The following STOX1 variants were observed in gnomAD, a reference collection of about 807,000 sequenced individuals.
STOX1 encodes storkhead box 1.
In STOX1, 57 loss-of-function variants were observed where a neutral mutation model predicts 74.8. That is an observed-to-expected ratio of 0.76 (90% CI 0.62 to 0.95). The LOEUF is 0.95. Ranked by LOEUF, STOX1 falls within the 40% of genes least tolerant of loss-of-function variation. STOX1 has a pLI of 0.00. For missense variants in STOX1, 1,010 were observed against 1,117.0 expected (o/e 0.90, Z 1.37); for synonymous variants, 375 against 401.3 (o/e 0.93, Z 0.78).
intron 1 of STOX1, among the ~76,000 whole-genome samples, chr10:68,832,279 G>A (rs1304848117): frequency 6.6e-6 from 1 of 152,176 alleles, no homozygotes; most frequent in Non-Finnish European, 1.5e-5. Flanking sequence ...GGGGGTGGGC[G>A]GCCACTTGGC....
chr10:68,886,110 CAA>C lies in STOX1; in HGVS notation c.2318_2319del (p.Lys773SerfsTer3). ...GGSQGNHLGK[Q>X]KVIERSLTEY... ...AAGCCAGGGAAATCATTTAGGAAAA[CAA>C]AAAGTGATTGAGAGATCTCTGACCG... On this transcript the variant is annotated frameshift_variant, in exon 3 of 4. Coordinates refer to ENST00000298596, the MANE Select transcript of STOX1 (RefSeq NM_152709.5). LOFTEE classifies it high-confidence loss of function. The C allele has an allele frequency of 1.2e-6, 2 of 1,614,092 alleles. No homozygotes were observed. Among genetic ancestry groups the C allele is most frequent in the Non-Finnish European group, 1.7e-6 (2 of 1,179,998 alleles).
rs201726154 is a variant in STOX1 at position 68,846,119 on chromosome 10, TTTATTATTATTA to T, written c.310+18219_310+18230del. Among the ~76,000 whole-genome samples the T allele has an allele frequency of 9.6e-4, 130 of 135,830 alleles. 1 individual carries two copies. Among genetic ancestry groups the T allele is most frequent in the East Asian group, 4.5e-3 (19 of 4,196 alleles). 89.1% of individuals were successfully genotyped at this position (135,830 alleles called of 152,430 possible). A position where few individuals can be genotyped will look rare whatever the true frequency, so the allele number is the denominator to read the frequency against. ...GTGGTACAAGTTATGGCTTGAGGTT[TTTATTATTATTA>T]TTATTATTATTATTATTATTATTAT... On this transcript the variant is annotated intron_variant, in intron 1 of 3. Coordinates refer to ENST00000298596, the MANE Select transcript of STOX1 (RefSeq NM_152709.5).
intron 1 of STOX1, among the ~76,000 whole-genome samples, chr10:68,838,829 G>A (rs1408731567): frequency 6.6e-6 from 1 of 151,342 alleles, no homozygotes; most frequent in Non-Finnish European, 1.5e-5. Context: ...AGAATGGTGT[G>A]AACCCAGGAG....
At chr10:68,855,412 T>G (rs1388643472) in intron 1 of STOX1, among the ~76,000 whole-genome samples, 1 of 150,918 alleles carries the variant, frequency 6.6e-6, no homozygotes, top group Non-Finnish European at 1.5e-5. Context: ...TGAGCCACGG[T>G]GCCTGGCCAA....
At position 68,873,257 on chromosome 10, in the gene STOX1, A is replaced by ATTTTTTTTTT. The variant is rs5785875; in HGVS notation, c.311-8689_311-8680dup. Among the ~76,000 whole-genome samples the ATTTTTTTTTT allele has an allele frequency of 3.8e-5, 4 of 105,296 alleles. 1 individual carries two copies. The highest frequency in any genetic ancestry group is 5.6e-5 in the Non-Finnish European group (3 of 53,696). The allele number at this position is 105,296 out of a possible 152,430, so 69.1% of individuals were successfully genotyped here. On this transcript the variant is annotated intron_variant, in intron 1 of 3. Transcript: ENST00000298596. The stretch of plus-strand genomic sequence containing the variant: ...TAGGGGCCTGTGCCCAAACAAGAGC[A>ATTTTTTTTTT]TTTTTTTTTTTTTTTTTTTTTGAGA...
chr10:68,837,398 G>A (rs111959611), intron 1 of STOX1, among the ~76,000 whole-genome samples: 24 of 152,328 alleles, frequency 1.6e-4, no homozygotes, highest in African/African-American at 4.1e-4. Context: ...GGAGGTGGGC[G>A]TTGGCACAAA....
intron 3 of STOX1, among the ~76,000 whole-genome samples, chr10:68,890,957 G>A (rs1045279002): frequency 6.6e-6 from 1 of 151,982 alleles, no homozygotes; most frequent in Admixed American, 6.6e-5. Flanking sequence ...CAGCTATTAA[G>A]TATTTAAGAT....
chr10:68,835,090 G>A (rs1485342484), intron 1 of STOX1, among the ~76,000 whole-genome samples: 2 of 152,108 alleles, frequency 1.3e-5, no homozygotes, highest in East Asian at 3.8e-4. Flanking sequence ...TGCTCAGGCT[G>A]TAGTGCAGTG....
intron 1 of STOX1, among the ~76,000 whole-genome samples, chr10:68,831,990 GC>G (rs1236772271): frequency 1.3e-5 from 2 of 148,856 alleles, no homozygotes; most frequent in African/African-American, 5.0e-5. Context: ...GTCTCTAACT[GC>G]TGGGTCCAAG....
intron 1 of STOX1, among the ~76,000 whole-genome samples, chr10:68,867,394 C>T (rs2133573140): frequency 6.6e-6 from 1 of 152,290 alleles, no homozygotes; most frequent in Non-Finnish European, 1.5e-5. Context: ...TAACAGGGAA[C>T]TGCCAAGCCT....
chr10:68,886,353 A>C lies in STOX1; in HGVS notation c.2557A>C (p.Arg853=), dbSNP rs1840957397. 6.2e-7 allele frequency: 1 copy of C among 1,614,220 alleles called. No individual in the cohort carries two copies. Among genetic ancestry groups the C allele is most frequent in the Admixed American group, 1.7e-5 (1 of 60,026 alleles). The part of the protein sequence containing the change: ...CVQASAPADE[R]IFDYYSARKA... ...ACAGGCCTCAGCACCTGCTGATGAA[A>C]GAATCTTTGATTACTATAGCGCAAG... is the stretch of plus-strand genomic sequence containing the variant. Residue 853 remains arginine (R), a synonymous_variant, in exon 3 of 4, where the codon AGA becomes CGA. Coordinates refer to ENST00000298596, the MANE Select transcript of STOX1 (RefSeq NM_152709.5).
At chr10:68,873,655 T>C (rs1309327753) in intron 1 of STOX1, among the ~76,000 whole-genome samples, 5 of 143,226 alleles carry the variant, frequency 3.5e-5, no homozygotes, top group Non-Finnish European at 6.1e-5. Flanking sequence ...TTTTTTCTTT[T>C]TTTTTTTTTT....
chr10:68,893,399 G>A (rs541019236), downstream of STOX1, among the ~76,000 whole-genome samples: 1 of 152,282 alleles, frequency 6.6e-6, no homozygotes, highest in African/African-American at 2.4e-5. Context: ...CTGTACTACT[G>A]TTCCTCTGGT....
chr10:68,863,920 G>GT (rs141718357), intron 1 of STOX1, among the ~76,000 whole-genome samples: 2,606 of 135,806 alleles, frequency 0.019, 76 homozygotes, highest in African/African-American at 0.064. Flanking sequence ...AGTTCTGCTT[G>GT]TTTTTTTTTT....
intron 1 of STOX1, among the ~76,000 whole-genome samples, chr10:68,835,800 G>A (rs1470418545): frequency 6.6e-6 from 1 of 152,206 alleles, no homozygotes; most frequent in Non-Finnish European, 1.5e-5. Flanking sequence ...GAGACTTGAG[G>A]AGTCACTGAA....
chr10:68,843,703 G>A (rs1410689634), intron 1 of STOX1, among the ~76,000 whole-genome samples: 1 of 151,972 alleles, frequency 6.6e-6, no homozygotes. Context: ...GATTACAGGT[G>A]CCCATCATCA....
chr10:68,873,744 G>A (rs559414071), intron 1 of STOX1, among the ~76,000 whole-genome samples: 105 of 144,906 alleles, frequency 7.2e-4, no homozygotes, highest in African/African-American at 2.5e-3. Context: ...TCCACCTCCC[G>A]GGTTCAAGCA....
At chr10:68,860,569 C>CA (rs11353333) in intron 1 of STOX1, among the ~76,000 whole-genome samples, 9,829 of 62,928 alleles carry the variant, frequency 0.16, 753 homozygotes, top group South Asian at 0.21. Context: ...GACTCTGTCT[C>CA]AAAAAAAAAA....
intron 1 of STOX1, among the ~76,000 whole-genome samples, chr10:68,867,937 CT>C (rs1451821712): frequency 2.0e-5 from 3 of 152,272 alleles, no homozygotes; most frequent in African/African-American, 7.2e-5. Flanking sequence ...CTGAAGCAGA[CT>C]CAAATAAGCC....
Sources: gnomAD v4.1 joint callset for allele counts (sites outside exome capture counted in the v4.1 genomes callset) on GRCh38, gnomAD v4.1.1 for gene constraint, MANE v1.5 for transcripts, NCBI Gene and HGNC (gene_info 2026-07-23, HGNC 2026-07-21) for gene names.